The following RBSN variants were observed in gnomAD, a reference collection of about 807,000 sequenced individuals.
The protein encoded by RBSN is rabenosyn-5.
A neutral mutation model predicts 60.5 loss-of-function variants in RBSN; 34 were observed. The observed-to-expected ratio is 0.56, with a 90% CI of 0.43 to 0.75. The LOEUF is 0.75. Ranked by LOEUF, RBSN falls within the 30% of genes least tolerant of loss-of-function variation. The pLI, the probability that RBSN is intolerant of heterozygous loss-of-function variation, is 0.00. For missense variants in RBSN, 845 were observed against 986.8 expected, an observed-to-expected ratio of 0.86 and a Z score of 1.92; for synonymous variants, 322 against 366.9, an observed-to-expected ratio of 0.88 and a Z score of 1.40.
At chr3:15,097,787 C>T (rs1341217702) in intron 2 of RBSN, among the ~76,000 whole-genome samples, 2 of 152,218 alleles carry the variant, frequency 1.3e-5, no homozygotes, top group Middle Eastern at 3.4e-3. Context: ...TAGAAGACCA[C>T]CGAGGAGGGA....
intron 9 of RBSN, among the ~76,000 whole-genome samples, chr3:15,081,803 G>A (rs1050271243): frequency 2.6e-5 from 4 of 152,152 alleles, no homozygotes; most frequent in Non-Finnish European, 5.9e-5. Context: ...AAGGGACCAA[G>A]CCAGTCTCAC....
At position 15,096,244 on chromosome 3, in the gene RBSN, C is replaced by G; in HGVS notation, c.-124G>C. On this transcript the variant is annotated 5_prime_UTR_variant, in exon 4 of 14. Coordinates refer to ENST00000253699, the MANE Select transcript of RBSN (RefSeq NM_022340.4). The stretch of plus-strand genomic sequence containing the variant: ...CAGCACACAGATGGTGAGGAAGTGG[C>G]TTCATGGCCCTGGATGAGGTTTCCT... 9.5e-7 allele frequency: 1 copy of G among 1,048,234 alleles called. No homozygotes were observed. The highest frequency in any genetic ancestry group is 1.3e-6 in the Non-Finnish European group (1 of 776,422). 64.9% of individuals were successfully genotyped at this position (1,048,234 alleles called of 1,614,324 possible).
At chr3:15,098,457 A>T (rs2043729817) in intron 1 of RBSN, among the ~76,000 whole-genome samples, 183 bp from the exon 2 acceptor site, 1 of 10,892 alleles carries the variant, frequency 9.2e-5, no homozygotes, top group Non-Finnish European at 2.1e-4. Flanking sequence ...GTAAAAAGTA[A>T]AAAAAATAAA....
intron 4 of RBSN, among the ~76,000 whole-genome samples, chr3:15,094,808 A>C (rs973521561): frequency 1.3e-5 from 2 of 152,202 alleles, no homozygotes; most frequent in Non-Finnish European, 2.9e-5. Context: ...CAAATATCTG[A>C]TTACAAAGTG....
intron 6 of RBSN, 99 bp from the exon 7 acceptor site, chr3:15,085,144 T>C: frequency 7.4e-7 from 1 of 1,355,956 alleles, no homozygotes; most frequent in Non-Finnish European, 1.0e-6. Flanking sequence ...ACATTTGCAT[T>C]CCTCAAGTCT....
At chr3:15,086,011 G>A (rs1387805196) in intron 5 of RBSN, 50 bp from the exon 6 acceptor site, 2 of 1,478,708 alleles carry the variant, frequency 1.4e-6, no homozygotes, top group Non-Finnish European at 1.8e-6. Context: ...TTCTCTGAGG[G>A]AGCCTAGTCT....
At chr3:15,085,792 A>G in intron 6 of RBSN, 69 bp downstream of exon 6, 4 of 1,282,250 alleles carry the variant, frequency 3.1e-6, no homozygotes, top group Non-Finnish European at 3.4e-6. Flanking sequence ...CAGGCTATAG[A>G]AATGTGATTA....
rs149381129 is a variant in RBSN, at chr3:15,078,164, A to G, written c.912-3T>C. 4.5e-5 allele frequency: 73 copies of G among 1,613,934 alleles called. No homozygotes were observed. The Middle Eastern group carries it at 2.0e-3, about 44-fold the overall frequency. On this transcript the variant is annotated splice_region_variant and splice_polypyrimidine_tract_variant and intron_variant, in intron 10 of 13. Transcript: ENST00000253699. ...GACTGTAGGTTGTCTCCCCAGCACT[A>G]AGGAGAAACCAGAGACACGTGACCT...
intron 1 of RBSN, among the ~76,000 whole-genome samples, chr3:15,098,482 A>AAAC (rs2043732534): frequency 1.7e-5 from 2 of 117,304 alleles, no homozygotes; most frequent in Non-Finnish European, 3.3e-5. Context: ...AAAAAAATAA[A>AAAC]TATAGCTACA....
chr3:15,077,619 C>A lies in RBSN; in HGVS notation c.999-455G>T, dbSNP rs1559341846. 6.6e-6 allele frequency among the ~76,000 whole-genome samples: 1 copy of A among 152,146 alleles called. No homozygotes were observed. Among genetic ancestry groups the A allele is most frequent in the Non-Finnish European group, 1.5e-5 (1 of 68,022 alleles). On this transcript the variant is annotated intron_variant, in intron 11 of 13. Coordinates refer to ENST00000253699, the MANE Select transcript of RBSN (RefSeq NM_022340.4). The surrounding 1 kb of genome is among the most constrained non-coding windows in gnomAD (Gnocchi z 4.4). ...TCTTATTCTCCCTCTGAGTCACTGG[C>A]TAATTTAACCCCAATGGCCAGTCCA...
In RBSN at chr3:15,073,949, C is replaced by G. The variant is rs182027101; in HGVS notation, c.2188G>C (p.Ala730Pro). 2.8e-5 allele frequency: 45 copies of G among 1,614,074 alleles called. No individual in the cohort carries two copies. The highest frequency in any genetic ancestry group is 3.7e-5 in the Non-Finnish European group (44 of 1,179,994). Residue 730 changes from alanine to proline, a missense_variant, in exon 14 of 14, where the codon GCT becomes CCT. Coordinates refer to ENST00000253699, the MANE Select transcript of RBSN (RefSeq NM_022340.4). ...AGCTCTTCCTCTATGGGCTCCTCAG[C>G]CTCTGGCCCACTGTCACTGTCCATC... ...FEMDSDSGPE[A>P]EEPIEEELLL...
At chr3:15,090,035 G>C (rs965891642) in intron 5 of RBSN, among the ~76,000 whole-genome samples, 1 of 152,188 alleles carries the variant, frequency 6.6e-6, no homozygotes, top group African/African-American at 2.4e-5. Flanking sequence ...CACTGGGCAG[G>C]TAATGTCCTA....
At chr3:15,083,365 C>T (rs1161412683) in intron 8 of RBSN, among the ~76,000 whole-genome samples, 1 of 152,094 alleles carries the variant, frequency 6.6e-6, no homozygotes, top group Non-Finnish European at 1.5e-5. Flanking sequence ...TCCAGACACC[C>T]CATGGCCAAC....
intron 1 of RBSN, among the ~76,000 whole-genome samples, chr3:15,098,722 C>T (rs900172284): frequency 2.6e-5 from 4 of 152,178 alleles, no homozygotes; most frequent in African/African-American, 9.7e-5. Context: ...CTCCGAACAT[C>T]TCCACACGAA....
chr3:15,090,567 T>C (rs775365238), intron 4 of RBSN, 28 bp from the exon 5 acceptor site: 13 of 1,610,060 alleles, frequency 8.1e-6, no homozygotes, highest in Admixed American at 1.7e-5. Flanking sequence ...ATAATACAAA[T>C]GAGCCATGAA....
rs777912335 is a variant in RBSN at position 15,085,931 on chromosome 3, T to C, written c.320A>G (p.Lys107Arg). The C allele has an allele frequency of 6.2e-7, 1 of 1,614,072 alleles. No homozygotes were observed. The highest frequency in any genetic ancestry group is 1.7e-5 in the Admixed American group (1 of 60,016). The change falls in exon 6 of 14, where the codon AAA becomes AGA. Residue 107 changes from lysine to arginine, a missense_variant. Lys to Arg is a conservative substitution (Grantham distance 26, BLOSUM62 2). Transcript: ENST00000253699. ...GAVRSHLSDF[K>R]KHRAARIDHY... is the part of the protein sequence containing the mutation. ...GTCAATTCTAGCAGCTCGGTGTTTT[T>C]TGAAGTCGGAAAGATGGCTTCTCAC...
At chr3:15,078,825 C>T (rs1341139426) in intron 10 of RBSN, among the ~76,000 whole-genome samples, 178 of 51,936 alleles carry the variant, frequency 3.4e-3, no homozygotes, top group Non-Finnish European at 4.5e-3. Flanking sequence ...TATATATATA[C>T]ATGGTTTTGT....
chr3:15,097,885 G>GA (rs2043705320), intron 2 of RBSN, among the ~76,000 whole-genome samples: 1 of 152,060 alleles, frequency 6.6e-6, no homozygotes, highest in African/African-American at 2.4e-5. Flanking sequence ...CTCTAGTTAA[G>GA]AAACCCAGTG....
rs1165427029 is a variant in RBSN, at chr3:15,073,585, C to G, written c.*197G>C. Reference sequence around the variant, plus strand: ...CAACTGAATGCTGATTCTCCCTGTTCTAGTTTCTATTTTATTATTCAACTG... The same window carrying G: ...CAACTGAATGCTGATTCTCCCTGTTGTAGTTTCTATTTTATTATTCAACTG... On this transcript the variant is annotated 3_prime_UTR_variant, in exon 14 of 14. Transcript: ENST00000253699. The G allele has an allele frequency of 9.3e-6, 5 of 535,038 alleles. No homozygotes were observed. Among genetic ancestry groups the G allele is most frequent in the Non-Finnish European group, 1.6e-5 (5 of 307,636 alleles). 33.1% of individuals were successfully genotyped at this position (535,038 alleles called of 1,614,324 possible).
Sources: allele counts gnomAD v4.1 joint callset (sites outside exome capture counted in the v4.1 genomes callset), GRCh38; gene constraint gnomAD v4.1.1; non-coding constraint Gnocchi (gnomAD v3.1); transcripts MANE v1.5; gene names NCBI Gene and HGNC (gene_info 2026-07-23, HGNC 2026-07-21).